Variants in TDRD12 observed in about 807,000 individuals in gnomAD.
TDRD12 encodes putative ATP-dependent RNA helicase TDRD12.
In TDRD12, 158 loss-of-function variants were observed where a neutral mutation model predicts 133.5. The ratio of observed to expected loss-of-function variants is 1.18; its 90% CI spans 1.04 to 1.35. The LOEUF is 1.35. Ranked by LOEUF, TDRD12 falls within the 40% of genes most tolerant of loss-of-function variation. The probability of loss-of-function intolerance (pLI) is 0.00; values close to 1 mark genes in which losing one functional copy is unlikely to be tolerated. For synonymous variants in TDRD12, 460 were observed against 477.9 expected, an observed-to-expected ratio of 0.96 and a Z score of 0.49; for missense variants, 1,443 against 1,321.3, an observed-to-expected ratio of 1.09 and a Z score of -1.43.
intron 1 of TDRD12, among the ~76,000 whole-genome samples, chr19:32,723,167 A>G (rs74406712): frequency 0.014 from 2,066 of 152,284 alleles, 26 homozygotes; most frequent in Non-Finnish European, 0.023. Context: ...TCAAAAATCA[A>G]TTGACTATAT....
At chr19:32,739,276 G>GCATCTCCTGGCTA (rs1969319472) in intron 3 of TDRD12, among the ~76,000 whole-genome samples, 4 of 151,472 alleles carry the variant, frequency 2.6e-5, no homozygotes, top group African/African-American at 9.7e-5. Context: ...TCTCCTGGCT[G>GCATCTCCTGGCTA]CTCTCTGCAT....
At chr19:32,759,433 C>T (rs1472826415) in intron 8 of TDRD12, among the ~76,000 whole-genome samples, 7 of 150,212 alleles carry the variant, frequency 4.7e-5, no homozygotes, top group East Asian at 2.0e-4. Flanking sequence ...TTTTTTGAGA[C>T]GGGGTCTTGC....
At chr19:32,781,017 A>G (rs1177933328) in intron 11 of TDRD12, among the ~76,000 whole-genome samples, 1 of 145,680 alleles carries the variant, frequency 6.9e-6, no homozygotes, top group Non-Finnish European at 1.5e-5. Flanking sequence ...ATCTCAGCTC[A>G]CTGCAAGCTC....
At chr19:32,771,066 A>T (rs1270637661) in intron 8 of TDRD12, among the ~76,000 whole-genome samples, 2 of 152,234 alleles carry the variant, frequency 1.3e-5, no homozygotes, top group African/African-American at 4.8e-5. Context: ...GCATCTGCTT[A>T]TGGTGAGGCC....
intron 8 of TDRD12, among the ~76,000 whole-genome samples, chr19:32,763,388 T>C (rs1489638593): frequency 6.6e-6 from 1 of 152,132 alleles, no homozygotes; most frequent in Non-Finnish European, 1.5e-5. Context: ...CCCCTCAGCA[T>C]CCCTCACCTC....
exon 10 of TDRD12, chr19:32,828,055 T>C (rs946241550): frequency 6.6e-6 from 1 of 152,204 alleles, no homozygotes; most frequent in African/African-American, 2.4e-5. Flanking sequence ...CTTTCAACCA[T>C]GAGATAGTGG....
chr19:32,759,222 G>A (rs567528229), intron 8 of TDRD12, among the ~76,000 whole-genome samples: 1 of 152,164 alleles, frequency 6.6e-6, no homozygotes, highest in Admixed American at 6.5e-5. Context: ...TTGAAGGTAA[G>A]GGTGGCAACA....
chr19:32,826,169 C>T, downstream of TDRD12: 1 of 1,535,496 alleles, frequency 6.5e-7, no homozygotes, highest in South Asian at 1.2e-5. Flanking sequence ...AAGGTACGTC[C>T]ACTCGGCATG....
At chr19:32,822,538 G>A (rs959215599), downstream of TDRD12, among the ~76,000 whole-genome samples, 3 of 152,204 alleles carry the variant, frequency 2.0e-5, no homozygotes, top group Admixed American at 6.5e-5. Context: ...GTGAGGTCAG[G>A]AGATCGAGAC....
chr19:32,802,337 CTATA>C (rs1024305934), intron 19 of TDRD12, among the ~76,000 whole-genome samples: 36 of 149,996 alleles, frequency 2.4e-4, no homozygotes, highest in Admixed American at 1.3e-3. Context: ...ATACATATGA[CTATA>C]TATAGTCATG....
chr19:32,823,076 A>AG (rs1018644658), downstream of TDRD12, among the ~76,000 whole-genome samples: 2 of 152,150 alleles, frequency 1.3e-5, no homozygotes, highest in African/African-American at 4.8e-5. Flanking sequence ...TCCGCTTCCC[A>AG]GGAGGGCGGG....
intron 3 of TDRD12, among the ~76,000 whole-genome samples, chr19:32,740,839 G>A (rs1969403874): frequency 6.6e-6 from 1 of 152,228 alleles, no homozygotes; most frequent in Non-Finnish European, 1.5e-5. Flanking sequence ...GAGGTTGGGA[G>A]ATGGCTCAGA....
At chr19:32,738,721 G>A (rs1392752216) in intron 2 of TDRD12, 135 bp from the exon 3 acceptor site, 2 of 931,174 alleles carry the variant, frequency 2.1e-6, no homozygotes, top group African/African-American at 3.4e-5. Context: ...GCTGAGGCAG[G>A]AGAATTGCTT....
At chr19:32,732,024 G>C in intron 2 of TDRD12, 141 bp downstream of exon 2, 1 of 839,818 alleles carries the variant, frequency 1.2e-6, no homozygotes, top group Non-Finnish European at 1.8e-6. Flanking sequence ...TTTTTTTTGA[G>C]ATGGAGTCTC....
chr19:32,793,385 G>A (rs186998174), intron 13 of TDRD12, among the ~76,000 whole-genome samples: 17 of 152,222 alleles, frequency 1.1e-4, no homozygotes, highest in African/African-American at 3.6e-4. Flanking sequence ...GAAGTAACCC[G>A]AGAAAGATGA....
chr19:32,760,898 C>A (rs60279064), intron 8 of TDRD12, among the ~76,000 whole-genome samples: 1 of 152,044 alleles, frequency 6.6e-6, no homozygotes. Flanking sequence ...TTTCCCAAAC[C>A]ATTTGAGAAT....
exon 10 of TDRD12, chr19:32,827,329 TAAGAA>T: frequency 1.1e-6 from 1 of 912,342 alleles, no homozygotes; most frequent in Non-Finnish European, 1.4e-6. Flanking sequence ...GACCGACAGT[TAAGAA>T]AACAGTCAGT....
intron 13 of TDRD12, among the ~76,000 whole-genome samples, chr19:32,794,092 CTTTTTTTTTTT>C (rs751938374): frequency 6.0e-5 from 3 of 49,858 alleles, no homozygotes; most frequent in African/African-American, 9.1e-5. Flanking sequence ...CTGTGCCTGG[CTTTTTTTTTTT>C]TTTTTTTTTT....
At chr19:32,773,330 G>A in intron 9 of TDRD12, 126 bp from the exon 10 acceptor site, 2 of 797,874 alleles carry the variant, frequency 2.5e-6, no homozygotes, top group Non-Finnish European at 4.2e-6. Flanking sequence ...CTATCTCTGT[G>A]TGTGCATGAA....
Sources: gnomAD v4.1 joint callset for allele counts (sites outside exome capture counted in the v4.1 genomes callset) on GRCh38, gnomAD v4.1.1 for gene constraint, MANE v1.5 for transcripts, NCBI Gene and HGNC (gene_info 2026-07-23, HGNC 2026-07-21) for gene names.